Variants in FAM171A1 observed in about 807,000 individuals in gnomAD.
FAM171A1 encodes family with sequence similarity 171 member A1.
Under a neutral mutation model 74.9 loss-of-function variants are expected in FAM171A1, and 23 were observed. The observed-to-expected ratio is 0.31, with a 90% confidence interval of 0.22 to 0.44. The LOEUF (loss-of-function observed/expected upper bound fraction) is 0.44. Ranked by LOEUF, FAM171A1 falls within the 20% of genes least tolerant of loss-of-function variation. The probability of loss-of-function intolerance (pLI) is 1.00; values close to 1 mark genes in which losing one functional copy is unlikely to be tolerated. For synonymous variants in FAM171A1, 527 were observed against 505.7 expected, an observed-to-expected ratio of 1.04 and a Z score of -0.57; for missense variants, 1,162 against 1,159.2, an observed-to-expected ratio of 1.00 and a Z score of -0.03.
At chr10:15,257,728 A>G (rs1178053970) in intron 3 of FAM171A1, among the ~76,000 whole-genome samples, 1 of 152,170 alleles carries the variant, frequency 6.6e-6, no homozygotes, top group Non-Finnish European at 1.5e-5. Flanking sequence ...CCCCACCACA[A>G]AGCACAGGCA....
At chr10:15,295,434 C>T (rs1339428138) in intron 1 of FAM171A1, among the ~76,000 whole-genome samples, 1 of 152,220 alleles carries the variant, frequency 6.6e-6, no homozygotes, top group Non-Finnish European at 1.5e-5. Context: ...TCTGCACAGT[C>T]TGCCCTTCTC....
intron 1 of FAM171A1, among the ~76,000 whole-genome samples, chr10:15,322,468 C>T (rs556712793): frequency 2.6e-5 from 4 of 152,346 alleles, no homozygotes; most frequent in Non-Finnish European, 4.4e-5. Flanking sequence ...ATTTCCCTCA[C>T]CTGAACTGTA....
At chr10:15,220,922 G>A (rs201994961) in intron 6 of FAM171A1, 22 bp downstream of exon 6, 17 of 1,573,116 alleles carry the variant, frequency 1.1e-5, no homozygotes, top group Admixed American at 1.7e-5. Flanking sequence ...CCGCATCATC[G>A]CAAGTGTTGG....
chr10:15,214,156 C>T lies in FAM171A1; in HGVS notation c.1432G>A (p.Glu478Lys), dbSNP rs868591152. The T allele has an allele frequency of 4.3e-6, 7 of 1,614,158 alleles. No homozygotes were observed. The highest frequency in any genetic ancestry group is 2.2e-5 in the South Asian group (2 of 91,080). The change falls in exon 8 of 8, where the codon GAG becomes AAG. Residue 478 changes from glutamate to lysine, a missense_variant. Physicochemically the swap from Glu to Lys is moderately conservative, Grantham distance 56. Coordinates refer to ENST00000378116, the MANE Select transcript of FAM171A1 (RefSeq NM_001010924.2). ...ARKSMEREGY[E>K]SSGNDDYRGS... Reference sequence around the variant, plus strand: ...CTGTAGTCATCATTGCCCGAGGACTCGTAGCCTTCTCTTTCCATAGATTTT... The same window carrying T: ...CTGTAGTCATCATTGCCCGAGGACTTGTAGCCTTCTCTTTCCATAGATTTT...
chr10:15,271,550 C>T (rs929588688), intron 3 of FAM171A1, among the ~76,000 whole-genome samples: 12 of 152,070 alleles, frequency 7.9e-5, no homozygotes, highest in Middle Eastern at 3.2e-3. Context: ...AGATACTCCT[C>T]GAGAAGAGCA....
chr10:15,329,588 T>C (rs562359280), intron 1 of FAM171A1, among the ~76,000 whole-genome samples: 7 of 147,176 alleles, frequency 4.8e-5, no homozygotes, highest in African/African-American at 1.8e-4. Context: ...ATCATGCCAC[T>C]GCACTCCAGC....
intron 3 of FAM171A1, among the ~76,000 whole-genome samples, chr10:15,264,844 T>C (rs754168889): frequency 2.0e-5 from 3 of 149,166 alleles, no homozygotes; most frequent in Non-Finnish European, 4.5e-5. Context: ...TTTATCTACA[T>C]GGTAGTAAAG....
intron 1 of FAM171A1, among the ~76,000 whole-genome samples, chr10:15,339,620 C>T (rs1172094331): frequency 6.6e-6 from 1 of 152,168 alleles, no homozygotes; most frequent in Non-Finnish European, 1.5e-5. Context: ...ACTGCTGCTG[C>T]TCTTGAGCTT....
chr10:15,279,478 G>T (rs555940820), intron 2 of FAM171A1, among the ~76,000 whole-genome samples: 3 of 152,222 alleles, frequency 2.0e-5, no homozygotes, highest in African/African-American at 7.2e-5. Flanking sequence ...TCACAGAGGG[G>T]AGGCTGATTG....
intron 5 of FAM171A1, among the ~76,000 whole-genome samples, chr10:15,244,003 G>C (rs966628181): frequency 6.6e-6 from 1 of 152,072 alleles, no homozygotes; most frequent in Non-Finnish European, 1.5e-5. Flanking sequence ...GCCCACCTTG[G>C]CCTCCCAAAG....
intron 1 of FAM171A1, among the ~76,000 whole-genome samples, chr10:15,291,145 C>T (rs976872490): frequency 6.6e-6 from 1 of 152,164 alleles, no homozygotes; most frequent in African/African-American, 2.4e-5. Flanking sequence ...CCACCACGTC[C>T]GGCCATACCA....
At chr10:15,327,645 T>G (rs1835572201) in intron 1 of FAM171A1, among the ~76,000 whole-genome samples, 2 of 151,210 alleles carry the variant, frequency 1.3e-5, no homozygotes, top group African/African-American at 4.9e-5. Context: ...AACAAGACTC[T>G]GTCTCTAAAT....
At chr10:15,281,330 T>G (rs1344921878) in intron 2 of FAM171A1, among the ~76,000 whole-genome samples, 1 of 152,222 alleles carries the variant, frequency 6.6e-6, no homozygotes, top group African/African-American at 2.4e-5. Context: ...ATACAGAGTA[T>G]CTTTATTATA....
At chr10:15,228,453 C>T (rs1440243843) in intron 5 of FAM171A1, among the ~76,000 whole-genome samples, 3 of 151,752 alleles carry the variant, frequency 2.0e-5, no homozygotes, top group African/African-American at 7.3e-5. Context: ...AGCGATCCTC[C>T]CACTTCAGCC....
intron 1 of FAM171A1, among the ~76,000 whole-genome samples, chr10:15,306,645 C>T (rs906153480): frequency 2.6e-5 from 4 of 152,114 alleles, no homozygotes; most frequent in South Asian, 2.1e-4. Flanking sequence ...GGATTATAGG[C>T]GTGAGCCACT....
chr10:15,333,263 G>A (rs926496063), intron 1 of FAM171A1, among the ~76,000 whole-genome samples: 1 of 152,028 alleles, frequency 6.6e-6, no homozygotes, highest in African/African-American at 2.4e-5. Flanking sequence ...GGAGGCCGAG[G>A]CGGGTGGATC....
chr10:15,217,209 G>C (rs1833978320), intron 6 of FAM171A1, among the ~76,000 whole-genome samples: 1 of 152,118 alleles, frequency 6.6e-6, no homozygotes, highest in African/African-American at 2.4e-5. Flanking sequence ...CTATCTTAAT[G>C]TTACTAACAA....
chr10:15,297,181 C>G (rs1835172169), intron 1 of FAM171A1, among the ~76,000 whole-genome samples: 1 of 151,972 alleles, frequency 6.6e-6, no homozygotes, highest in South Asian at 2.1e-4. Flanking sequence ...ACCTCAGCCT[C>G]CCAAGTAGCT....
chr10:15,312,635 A>T (rs1835373578), intron 1 of FAM171A1, among the ~76,000 whole-genome samples: 1 of 136,516 alleles, frequency 7.3e-6, no homozygotes, highest in African/African-American at 2.8e-5. Flanking sequence ...CTGTCACCGG[A>T]ATGTAAATCA....
Sources: allele counts gnomAD v4.1 joint callset (sites outside exome capture counted in the v4.1 genomes callset), GRCh38; gene constraint gnomAD v4.1.1; transcripts MANE v1.5; gene names NCBI Gene and HGNC (gene_info 2026-07-23, HGNC 2026-07-21).